The following ZNF536 variants were observed in gnomAD, a reference collection of about 807,000 sequenced individuals.
ZNF536 encodes zinc finger protein 536.
ZNF536 carries 13 observed loss-of-function variants against 84.5 expected under a neutral mutation model. The ratio of observed to expected loss-of-function variants is 0.15; its 90% CI spans 0.10 to 0.24. The LOEUF (loss-of-function observed/expected upper bound fraction) is 0.24. ZNF536 is among the 10% of genes least tolerant of loss of function. The pLI is 1.00. For synonymous variants in ZNF536, 811 were observed against 742.5 expected (o/e 1.09, Z -1.50); for missense variants, 1,536 against 1,747.5 (o/e 0.88, Z 2.16).
intron 1 of ZNF536, among the ~76,000 whole-genome samples, chr19:30,248,224 C>CTTTTTT (rs58799737): frequency 3.8e-5 from 5 of 131,000 alleles, no homozygotes; most frequent in Non-Finnish European, 6.4e-5. Context: ...TCTTTTCTTT[C>CTTTTTT]TTTTTTTTTT....
chr19:30,237,793 TTTAAC>T (rs1473937371), intron 1 of ZNF536, among the ~76,000 whole-genome samples: 39 of 151,920 alleles, frequency 2.6e-4, no homozygotes, highest in African/African-American at 8.2e-4. Context: ...TTTTGCATAA[TTTAAC>T]TTTTAGGGTT....
At chr19:30,266,740 G>A (rs1001799137) in intron 1 of ZNF536, among the ~76,000 whole-genome samples, 6 of 152,196 alleles carry the variant, frequency 3.9e-5, no homozygotes, top group African/African-American at 1.4e-4. Context: ...CCTTTGGTGA[G>A]TGATATTGGC....
chr19:30,384,849 A>G (rs149122676), intron 1 of ZNF536, among the ~76,000 whole-genome samples: 2 of 152,234 alleles, frequency 1.3e-5, no homozygotes, highest in East Asian at 1.9e-4. Context: ...CAACAGAGCA[A>G]GACACTATCT....
chr19:30,699,501 C>T (rs1215315933), intron 1 of ZNF536, among the ~76,000 whole-genome samples: 1 of 152,014 alleles, frequency 6.6e-6, no homozygotes, highest in African/African-American at 2.4e-5. Flanking sequence ...TAAGGATATT[C>T]CAAAGTGTTT....
chr19:30,345,261 A>C (rs1413826534), intron 2 of ZNF536, among the ~76,000 whole-genome samples: 1 of 152,124 alleles, frequency 6.6e-6, no homozygotes, highest in Non-Finnish European at 1.5e-5. Context: ...GCATGAGTGC[A>C]CTCAGCTCCT....
At chr19:30,519,315 G>A (rs1490228672) in intron 2 of ZNF536, among the ~76,000 whole-genome samples, 1 of 152,254 alleles carries the variant, frequency 6.6e-6, no homozygotes, top group Non-Finnish European at 1.5e-5. Context: ...GGTGTGGACA[G>A]GGAAGGGCCC....
At chr19:30,633,523 C>A (rs899173194) in intron 1 of ZNF536, among the ~76,000 whole-genome samples, 6 of 152,060 alleles carry the variant, frequency 3.9e-5, no homozygotes, top group African/African-American at 1.4e-4. Flanking sequence ...CAAATGTGTT[C>A]CTCCTATTGA....
chr19:30,237,157 C>A (rs1488705186), intron 1 of ZNF536, among the ~76,000 whole-genome samples: 1 of 151,824 alleles, frequency 6.6e-6, no homozygotes, highest in Non-Finnish European at 1.5e-5. Context: ...GTTAAGAAAA[C>A]TTTTTCTCCC....
At chr19:30,530,665 C>T (rs1246968468) in intron 2 of ZNF536, among the ~76,000 whole-genome samples, 1 of 152,144 alleles carries the variant, frequency 6.6e-6, no homozygotes, top group East Asian at 1.9e-4. Context: ...TGTCTTTCTA[C>T]TGCCTGCTTC....
intron 2 of ZNF536, among the ~76,000 whole-genome samples, chr19:30,309,428 T>A (rs1314151874): frequency 2.0e-5 from 3 of 152,226 alleles, no homozygotes; most frequent in African/African-American, 7.2e-5. Context: ...CTCAGATAAC[T>A]GTTTGTGGAG....
At chr19:30,543,877 G>C (rs2045437931) in intron 3 of ZNF536, among the ~76,000 whole-genome samples, 1 of 152,152 alleles carries the variant, frequency 6.6e-6, no homozygotes, top group Non-Finnish European at 1.5e-5. Flanking sequence ...GGGCTGCTGG[G>C]GCTCTAAGGA....
intron 1 of ZNF536, among the ~76,000 whole-genome samples, chr19:30,688,017 TAAAA>T (rs5827729): frequency 4.2e-4 from 57 of 136,474 alleles, no homozygotes; most frequent in South Asian, 1.7e-3. Context: ...TTATGACTGC[TAAAA>T]AAAAAAAAAA....
intron 2 of ZNF536, among the ~76,000 whole-genome samples, chr19:30,334,716 A>G (rs939593582): frequency 6.6e-6 from 1 of 152,190 alleles, no homozygotes; most frequent in Non-Finnish European, 1.5e-5. Context: ...GCCTCAGCTC[A>G]ATGCCCAGCC....
At chr19:30,637,033 GGCTGGCT>G (rs1199085206) in intron 1 of ZNF536, among the ~76,000 whole-genome samples, 4 of 152,178 alleles carry the variant, frequency 2.6e-5, no homozygotes, top group Non-Finnish European at 4.4e-5. Context: ...TGTTGCCTCT[GGCTGGCT>G]GCTGGCTGCT....
chr19:30,280,924 T>C (rs1196961926), intron 1 of ZNF536, among the ~76,000 whole-genome samples: 4 of 152,156 alleles, frequency 2.6e-5, no homozygotes, highest in Non-Finnish European at 4.4e-5. Flanking sequence ...AGCTTGTATG[T>C]CTGCGTTCAG....
intron 2 of ZNF536, among the ~76,000 whole-genome samples, chr19:30,337,996 G>A (rs760685493): frequency 1.3e-5 from 2 of 151,768 alleles, no homozygotes; most frequent in Non-Finnish European, 2.9e-5. Flanking sequence ...TGATGATGAT[G>A]GTGATTGTGA....
rs78983776 is a variant in ZNF536 at position 30,491,812 on chromosome 19, A to G, written c.2171-43035A>G. 2.4e-3 allele frequency among the ~76,000 whole-genome samples: 364 copies of G among 151,892 alleles called. 3 individuals are homozygous for G. Among genetic ancestry groups the G allele is most frequent in the African/African-American group, 8.4e-3 (349 of 41,422 alleles). The stretch of plus-strand genomic sequence containing the variant: ...CTGTGGGTCCCTTGGGGGAAACTCA[A>G]TGATTTCTTTTCCTTTCCTTTTCTT... On this transcript the variant is annotated intron_variant, in intron 2 of 4. Coordinates refer to ENST00000355537, the MANE Select transcript of ZNF536 (RefSeq NM_014717.3).
At chr19:30,661,223 T>A (rs1456673063) in intron 1 of ZNF536, among the ~76,000 whole-genome samples, 2 of 152,240 alleles carry the variant, frequency 1.3e-5, no homozygotes, top group East Asian at 1.9e-4. Context: ...TTCTCTAGAC[T>A]CTTCTTAGGC....
chr19:30,340,394 G>A (rs780745977), intron 2 of ZNF536, among the ~76,000 whole-genome samples: 4 of 152,180 alleles, frequency 2.6e-5, no homozygotes, highest in Non-Finnish European at 5.9e-5. Flanking sequence ...CCAGCCCCTG[G>A]ACTCCCCCTA....
Sources: gnomAD v4.1 joint callset for allele counts (sites outside exome capture counted in the v4.1 genomes callset) on GRCh38, gnomAD v4.1.1 for gene constraint, MANE v1.5 for transcripts, NCBI Gene and HGNC (gene_info 2026-07-23, HGNC 2026-07-21) for gene names.